Variants in ATAD2B observed in about 807,000 individuals in gnomAD.
The protein encoded by ATAD2B is ATPase family AAA domain-containing protein 2B.
ATAD2B carries 40 observed loss-of-function variants against 167.6 expected under a neutral mutation model. That is an observed-to-expected ratio of 0.24 (90% confidence interval 0.19 to 0.31). The LOEUF (loss-of-function observed/expected upper bound fraction) is 0.31. ATAD2B is among the 10% of genes least tolerant of loss of function. ATAD2B has a pLI of 1.00. For missense variants in ATAD2B, 1,242 were observed against 1,757.2 expected (o/e 0.71, Z 5.24); for synonymous variants, 579 against 596.5 (o/e 0.97, Z 0.43).
In ATAD2B at chr2:23,823,529, G is replaced by T. The variant is rs370694774; in HGVS notation, c.1860C>A (p.Ala620=). ...AACGCCTCCGCAGTGCAATCAGGGC[G>T]GCTTCAGTGCACAGGGCCTTGATAT... ...GADIKALCTE[A]ALIALRRRYP... Residue 620 remains alanine, a synonymous_variant, in exon 16 of 28, where the codon GCC becomes GCA. Coordinates refer to ENST00000238789, the MANE Select transcript of ATAD2B (RefSeq NM_017552.4). 1.2e-6 allele frequency: 2 copies of T among 1,613,216 alleles called. No homozygotes were observed. The highest frequency in any genetic ancestry group is 2.2e-5 in the South Asian group (2 of 91,030).
chr2:23,740,246 C>G, the ATAD2B span, among the ~76,000 whole-genome samples: 2 of 151,930 alleles, frequency 1.3e-5, no homozygotes, highest in African/African-American at 4.8e-5. Flanking sequence ...GAGACACAAC[C>G]AAAAAAGAGA....
At chr2:23,862,973 T>G (rs1449500149) in intron 12 of ATAD2B, among the ~76,000 whole-genome samples, 5 of 152,210 alleles carry the variant, frequency 3.3e-5, no homozygotes, top group African/African-American at 1.2e-4. Context: ...AATCACAGAT[T>G]ACTAATCCTG....
intron 8 of ATAD2B, among the ~76,000 whole-genome samples, chr2:23,873,594 T>C (rs914100640): frequency 2.0e-5 from 3 of 152,222 alleles, no homozygotes; most frequent in African/African-American, 7.2e-5. Flanking sequence ...ATACAACACA[T>C]GCTATATAAA....
intron 1 of ATAD2B, among the ~76,000 whole-genome samples, chr2:23,897,865 T>G (rs1700333413): frequency 1.3e-5 from 2 of 152,234 alleles, no homozygotes; most frequent in East Asian, 3.8e-4. Context: ...AGCTGGGCAC[T>G]ACGTGTGCTC....
Position 23,750,061 on chromosome 2 carries a change from A to G in ATAD2B, c.*1985T>C, listed in dbSNP as rs1675188789. On this transcript the variant is annotated 3_prime_UTR_variant, in exon 28 of 28. Coordinates refer to ENST00000238789, the MANE Select transcript of ATAD2B (RefSeq NM_017552.4). Reference sequence around the variant, plus strand: ...ATTCTGTAACAATTTCCATCAAAATACAAAATGCTAATGTATTAGACAATA... The same window carrying G: ...ATTCTGTAACAATTTCCATCAAAATGCAAAATGCTAATGTATTAGACAATA... 6.6e-6 allele frequency: 1 copy of G among 152,182 alleles called. No individual in the cohort carries two copies. The highest frequency in any genetic ancestry group is 2.4e-5 in the African/African-American group (1 of 41,458). 9.4% of individuals were successfully genotyped at this position (152,182 alleles called of 1,614,324 possible).
chr2:23,862,821 A>C (rs1164499891), intron 12 of ATAD2B, among the ~76,000 whole-genome samples: 1 of 152,162 alleles, frequency 6.6e-6, no homozygotes, highest in East Asian at 1.9e-4. Context: ...TAATCTAGCA[A>C]TATATATGTT....
intron 18 of ATAD2B, among the ~76,000 whole-genome samples, chr2:23,802,596 G>A (rs1683671377): frequency 6.7e-6 from 1 of 150,112 alleles, no homozygotes; most frequent in Non-Finnish European, 1.5e-5. Flanking sequence ...CAGTAAATGT[G>A]ACACACTCCA....
chr2:23,861,573 G>T (rs1012659396), intron 12 of ATAD2B, among the ~76,000 whole-genome samples: 7 of 144,380 alleles, frequency 4.8e-5, no homozygotes, highest in African/African-American at 1.8e-4. Context: ...CTATGAAACA[G>T]AAATAAAATA....
At chr2:23,858,606 C>A (rs577599607) in intron 12 of ATAD2B, among the ~76,000 whole-genome samples, 1 of 151,414 alleles carries the variant, frequency 6.6e-6, no homozygotes, top group Non-Finnish European at 1.5e-5. Flanking sequence ...GCTTCAGCCT[C>A]CAGAGTACCT....
At chr2:23,877,494 A>AG in intron 7 of ATAD2B, among the ~76,000 whole-genome samples, 1 of 109,704 alleles carries the variant, frequency 9.1e-6, no homozygotes, top group Non-Finnish European at 1.8e-5. Flanking sequence ...AAGGAAGGGA[A>AG]GGGAAGGGAA....
At position 23,926,791 on chromosome 2, in the gene ATAD2B, G is replaced by C; in HGVS notation, c.-21C>G. The C allele has an allele frequency of 6.7e-7, 1 of 1,498,828 alleles. No homozygotes were observed. The highest frequency in any genetic ancestry group is 1.3e-5 in the South Asian group (1 of 77,968). The allele number at this position is 1,498,828 out of a possible 1,614,324, so 92.8% of individuals were successfully genotyped here. A position where few individuals can be genotyped will look rare whatever the true frequency, so the allele number is the denominator to read the frequency against. On this transcript the variant is annotated 5_prime_UTR_variant, in exon 1 of 28. Transcript: ENST00000238789. ...ACCATGGTCCAGCCAGGGGGACGGA[G>C]TCCACGCCGCGCCCGGGAGAGCCGA...
the ATAD2B span, among the ~76,000 whole-genome samples, chr2:23,734,115 T>C: frequency 6.6e-6 from 1 of 152,192 alleles, no homozygotes; most frequent in Non-Finnish European, 1.5e-5. Context: ...TATTAGTCTG[T>C]TTTCACATTG....
chr2:23,721,842 G>A, the ATAD2B span, among the ~76,000 whole-genome samples: 29 of 152,184 alleles, frequency 1.9e-4, no homozygotes, highest in Non-Finnish European at 3.2e-4. Flanking sequence ...CAGGGAGCCC[G>A]ACCCCAAGCT....
intron 1 of ATAD2B, among the ~76,000 whole-genome samples, chr2:23,898,835 T>G (rs1700440343): frequency 1.3e-5 from 2 of 151,692 alleles, no homozygotes; most frequent in South Asian, 4.2e-4. Flanking sequence ...AGACCTTATC[T>G]CTACAAAAAA....
chr2:23,872,740 C>T, intron 8 of ATAD2B: 1 of 1,026,230 alleles, frequency 9.7e-7, no homozygotes, highest in Non-Finnish European at 1.5e-6. Flanking sequence ...CCCCATAGTG[C>T]TGCTCACTGA....
chr2:23,829,431 A>C (rs1385966572), intron 14 of ATAD2B, among the ~76,000 whole-genome samples: 2 of 152,180 alleles, frequency 1.3e-5, no homozygotes, highest in African/African-American at 2.4e-5. Context: ...AAAAGTTTTT[A>C]ATTTGGAAAG....
At chr2:23,762,409 T>A in intron 23 of ATAD2B, 63 bp from the exon 24 acceptor site, 1 of 1,505,012 alleles carries the variant, frequency 6.6e-7, no homozygotes, top group Non-Finnish European at 8.9e-7. Flanking sequence ...CAAAAGGTTT[T>A]TAAAAAAATC....
chr2:23,719,255 A>G, the ATAD2B span, among the ~76,000 whole-genome samples: 10 of 152,368 alleles, frequency 6.6e-5, no homozygotes, highest in South Asian at 1.9e-3. Flanking sequence ...GGCCCAGAAC[A>G]GCATAAAGAA....
At chr2:23,777,245 C>T (rs1679280560) in intron 22 of ATAD2B, among the ~76,000 whole-genome samples, 1 of 152,178 alleles carries the variant, frequency 6.6e-6, no homozygotes. Context: ...ATTTCTGTTA[C>T]ATTTTGTTAT....
Sources: gnomAD v4.1 joint callset for allele counts (sites outside exome capture counted in the v4.1 genomes callset) on GRCh38, gnomAD v4.1.1 for gene constraint, MANE v1.5 for transcripts, NCBI Gene and HGNC (gene_info 2026-07-23, HGNC 2026-07-21) for gene names.